The following COL14A1 variants were observed in gnomAD, a reference collection of about 807,000 sequenced individuals.
COL14A1 encodes the protein collagen alpha-1(XIV) chain.
In COL14A1, 136 loss-of-function variants were observed where a neutral mutation model predicts 230.3. The observed-to-expected ratio is 0.59, with a 90% CI of 0.51 to 0.68. The LOEUF (loss-of-function observed/expected upper bound fraction) is 0.68. COL14A1 is among the 30% of genes least tolerant of loss of function. The pLI is 0.00. For synonymous variants in COL14A1, 792 were observed against 784.1 expected, an observed-to-expected ratio of 1.01 and a Z score of -0.17; for missense variants, 1,976 against 2,215.8, an observed-to-expected ratio of 0.89 and a Z score of 2.17.
At chr8:120,176,110 C>A (rs1460846698) in intron 5 of COL14A1, among the ~76,000 whole-genome samples, 2 of 152,122 alleles carry the variant, frequency 1.3e-5, no homozygotes, top group Admixed American at 1.3e-4. Flanking sequence ...ATATAAATAG[C>A]ATAATATTTG....
Position 120,141,855 on chromosome 8 carries a change from T to G in COL14A1, c.-37-5951T>G, listed in dbSNP as rs529089632. 2.6e-3 allele frequency among the ~76,000 whole-genome samples: 393 copies of G among 152,324 alleles called. 2 individuals are homozygous for G. Among genetic ancestry groups the G allele is most frequent in the African/African-American group, 8.0e-3 (333 of 41,584 alleles). On this transcript the variant is annotated intron_variant, in intron 1 of 47. Transcript: ENST00000297848. ...TTAAAGAGGACCTTTTTCTTCTACA[T>G]TAAAACAGTATTATGGGTATCTTTT...
chr8:120,294,676 CTT>C (rs1325920849), intron 34 of COL14A1, among the ~76,000 whole-genome samples: 2 of 151,258 alleles, frequency 1.3e-5, no homozygotes, highest in African/African-American at 4.8e-5. Context: ...AAGCCAAAGG[CTT>C]TTTTTCTCTT....
At chr8:120,132,840 A>G (rs1814577029) in intron 1 of COL14A1, among the ~76,000 whole-genome samples, 1 of 152,074 alleles carries the variant, frequency 6.6e-6, no homozygotes, top group Non-Finnish European at 1.5e-5. Flanking sequence ...TTAAAAAGTA[A>G]CCTCTCCAAG....
chr8:120,169,176 G>T (rs1167857733), intron 5 of COL14A1, among the ~76,000 whole-genome samples: 1 of 152,118 alleles, frequency 6.6e-6, no homozygotes, highest in Non-Finnish European at 1.5e-5. Context: ...CTTTTGATGG[G>T]CATTTAATGT....
In COL14A1 at chr8:120,212,542, A is replaced by C. The variant is rs200507215; in HGVS notation, c.1562A>C (p.Glu521Ala). 799 of 1,613,592 alleles carry C rather than the reference A, an allele frequency of 5.0e-4. 1 individual carries two copies. The highest frequency in any genetic ancestry group is 2.0e-3 in the Admixed American group (118 of 59,968). ...TVTVYAMFGE[E>A]ASDPVTGQET... Reference sequence around the variant, plus strand: ...ACAGTTTATGCCATGTTTGGAGAAGAGGCCAGTGATCCTGTTACGGGACAA... The same window carrying C: ...ACAGTTTATGCCATGTTTGGAGAAGCGGCCAGTGATCCTGTTACGGGACAA... Residue 521 changes from glutamate to alanine, a missense_variant, in exon 13 of 48, where the codon GAG becomes GCG. Around this residue, in one of 3 missense-constraint regions of COL14A1, gnomAD observed 1,791 missense variants for 2,019.5 expected, o/e 0.89. Coordinates refer to ENST00000297848, the MANE Select transcript of COL14A1 (RefSeq NM_021110.4).
intron 36 of COL14A1, among the ~76,000 whole-genome samples, chr8:120,305,127 T>A (rs6469908): frequency 6.6e-6 from 1 of 151,408 alleles, no homozygotes. Context: ...TACAGGCATG[T>A]GCCACCATGC....
chr8:120,347,607 C>A (rs753541344), intron 45 of COL14A1, among the ~76,000 whole-genome samples: 4 of 152,104 alleles, frequency 2.6e-5, no homozygotes, highest in Non-Finnish European at 5.9e-5. Flanking sequence ...AGAGGAAAGG[C>A]CTGTCTTTCC....
Position 120,278,456 on chromosome 8 carries a change from G to A in COL14A1, c.3359G>A (p.Arg1120Gln), listed in dbSNP as rs1260866132. 2.5e-6 allele frequency: 4 copies of A among 1,612,380 alleles called. No homozygotes were observed. Among genetic ancestry groups the A allele is most frequent in the Middle Eastern group, 1.7e-4 (1 of 6,044 alleles). The stretch of plus-strand genomic sequence containing the variant: ...TCAGGAAAAGCAATTAAGTATGTTC[G>A]AGATACCTTGTTCACTGCAGAGTCA... ...TKTGKAIKYVRDTLFTAESGT... is the reference protein window; with the variant it reads ...TKTGKAIKYVQDTLFTAESGT... Residue 1120 changes from arginine to glutamine, a missense_variant, in exon 28 of 48, where the codon CGA becomes CAA. Arg to Gln is a conservative substitution (Grantham distance 43, BLOSUM62 1). Around this residue, in one of 3 missense-constraint regions of COL14A1, gnomAD observed 1,791 missense variants for 2,019.5 expected, o/e 0.89. Coordinates refer to ENST00000297848, the MANE Select transcript of COL14A1 (RefSeq NM_021110.4).
In COL14A1 at chr8:120,363,981, A is replaced by G. The variant is rs941665760; in HGVS notation, c.5078-3190A>G. Among the ~76,000 whole-genome samples, 8 of 152,168 alleles carry G rather than the reference A, an allele frequency of 5.3e-5. 1 individual carries two copies. The highest frequency in any genetic ancestry group is 2.6e-4 in the Admixed American group (4 of 15,274). On this transcript the variant is annotated intron_variant, in intron 45 of 47. Coordinates refer to ENST00000297848, the MANE Select transcript of COL14A1 (RefSeq NM_021110.4). Reference sequence around the variant, plus strand: ...TGAGTCTGTCATGGTTCTACCTGCTATGGTTATAGAGAAATTCTGAGTTGG... The same window carrying G: ...TGAGTCTGTCATGGTTCTACCTGCTGTGGTTATAGAGAAATTCTGAGTTGG...
intron 17 of COL14A1, among the ~76,000 whole-genome samples, chr8:120,228,410 C>T (rs1818161040): frequency 2.0e-5 from 3 of 152,200 alleles, no homozygotes; most frequent in Admixed American, 1.3e-4. Flanking sequence ...CATGGCTGTG[C>T]CCCTATTTCA....
At chr8:120,140,495 C>T (rs572557874) in intron 1 of COL14A1, among the ~76,000 whole-genome samples, 29 of 152,228 alleles carry the variant, frequency 1.9e-4, no homozygotes, top group Admixed American at 9.8e-4. Flanking sequence ...AACAATCTCC[C>T]TCAGGGCATG....
At position 120,278,565 on chromosome 8, in the gene COL14A1, G is replaced by A; in HGVS notation, c.3468G>A (p.Glu1156=). Residue 1156 remains glutamate (E), a synonymous_variant, in exon 28 of 48, where the codon GAG becomes GAA. Transcript: ENST00000297848. The part of the protein sequence containing the change: ...SQDDVNKISR[E]MQLDGYSIFA... Reference sequence around the variant, plus strand: ...ATGATGTGAACAAAATCTCCAGGGAGATGCAATTAGATGGTAAGATATATA... The same window carrying A: ...ATGATGTGAACAAAATCTCCAGGGAAATGCAATTAGATGGTAAGATATATA... 1 of 1,611,986 alleles carries A rather than the reference G, an allele frequency of 6.2e-7. No homozygotes were observed. Among genetic ancestry groups the A allele is most frequent in the Non-Finnish European group, 8.5e-7 (1 of 1,179,036 alleles).
At chr8:120,286,391 C>T (rs1304863886) in intron 33 of COL14A1, among the ~76,000 whole-genome samples, 1 of 152,158 alleles carries the variant, frequency 6.6e-6, no homozygotes, top group Non-Finnish European at 1.5e-5. Flanking sequence ...TAACTGATTG[C>T]ACCAATACTT....
intron 2 of COL14A1, among the ~76,000 whole-genome samples, chr8:120,154,443 T>G (rs6983133): frequency 0.83 from 125,836 of 152,138 alleles, 52,537 homozygotes; most frequent in African/African-American, 0.95. Context: ...CACAGCAGAA[T>G]AAAAATGCCC....
intron 4 of COL14A1, among the ~76,000 whole-genome samples, chr8:120,167,263 C>T (rs978986078): frequency 6.6e-6 from 1 of 152,104 alleles, no homozygotes; most frequent in African/African-American, 2.4e-5. Flanking sequence ...GGAACAATAT[C>T]CTGGAGAAGG....
chr8:120,185,594 T>C (rs549873884), intron 5 of COL14A1, among the ~76,000 whole-genome samples: 2 of 152,198 alleles, frequency 1.3e-5, no homozygotes, highest in African/African-American at 4.8e-5. Context: ...AGCCCAGGAA[T>C]GCGAGATTGT....
At chr8:120,134,789 A>G (rs1171468447) in intron 1 of COL14A1, among the ~76,000 whole-genome samples, 1 of 152,196 alleles carries the variant, frequency 6.6e-6, no homozygotes, top group Non-Finnish European at 1.5e-5. Context: ...AGCCTGGCCA[A>G]CATGGCGAAA....
At chr8:120,310,160 C>A in intron 37 of COL14A1, 98 bp downstream of exon 37, 3 of 1,240,148 alleles carry the variant, frequency 2.4e-6, no homozygotes, top group South Asian at 1.4e-5. Context: ...TTCACCCTTG[C>A]AATCTAAAGT....
chr8:120,171,611 G>A (rs891339202), intron 5 of COL14A1, among the ~76,000 whole-genome samples: 1 of 152,126 alleles, frequency 6.6e-6, no homozygotes, highest in African/African-American at 2.4e-5. Flanking sequence ...CTTGGTAGGT[G>A]ACCTCTCTTT....
Sources: gnomAD v4.1 joint callset for allele counts (sites outside exome capture counted in the v4.1 genomes callset) on GRCh38, gnomAD v4.1.1 for gene constraint, gnomAD v4.1.1 regional missense constraint, MANE v1.5 for transcripts, NCBI Gene and HGNC (gene_info 2026-07-23, HGNC 2026-07-21) for gene names.